The following NT5DC3 variants were observed in gnomAD, a reference collection of about 807,000 sequenced individuals.
The protein encoded by NT5DC3 is 5'-nucleotidase domain containing 3, also known as 5'-nucleotidase domain-containing protein 3.
Under a neutral mutation model 67.8 loss-of-function variants are expected in NT5DC3, and 42 were observed. The observed-to-expected ratio is 0.62, with a 90% CI of 0.48 to 0.80. NT5DC3 has a LOEUF of 0.80. Ranked by LOEUF, NT5DC3 falls within the 30% of genes least tolerant of loss-of-function variation. The probability of loss-of-function intolerance (pLI) is 0.00; values close to 1 mark genes in which losing one functional copy is unlikely to be tolerated. For missense variants in NT5DC3, 570 were observed against 696.4 expected (o/e 0.82, Z 2.04); for synonymous variants, 237 against 255.6 (o/e 0.93, Z 0.69).
At chr12:103,803,867 C>CCT (rs1555262145) in intron 4 of NT5DC3, among the ~76,000 whole-genome samples, 1 of 127,918 alleles carries the variant, frequency 7.8e-6, no homozygotes, top group Non-Finnish European at 1.7e-5. Context: ...CCACCCCCCC[C>CCT]CCAAAAAAAT....
chr12:103,769,426 TGAG>T (rs1431567279), downstream of NT5DC3, among the ~76,000 whole-genome samples: 2 of 152,236 alleles, frequency 1.3e-5, no homozygotes, highest in African/African-American at 4.8e-5. Flanking sequence ...TCCTGAGCCC[TGAG>T]GCAAACACCA....
intron 1 of NT5DC3, 138 bp downstream of exon 1, chr12:103,840,811 G>T: frequency 2.5e-6 from 1 of 399,862 alleles, no homozygotes; most frequent in Non-Finnish European, 4.4e-6. Context: ...CTGCGGCTGG[G>T]GGTGTGGGCA....
intron 4 of NT5DC3, among the ~76,000 whole-genome samples, chr12:103,799,804 C>CAAAAAAAAAAAAAA (rs72379630): frequency 2.3e-5 from 3 of 131,560 alleles, no homozygotes; most frequent in Non-Finnish European, 3.2e-5. Flanking sequence ...CTCCACATAC[C>CAAAAAAAAAAAAAA]AAAAAAAAAA....
At chr12:103,823,149 A>C (rs1887556860) in intron 1 of NT5DC3, among the ~76,000 whole-genome samples, 1 of 151,942 alleles carries the variant, frequency 6.6e-6, no homozygotes, top group African/African-American at 2.4e-5. Context: ...TCTAGAAAAA[A>C]AGAATATACA....
intron 1 of NT5DC3, among the ~76,000 whole-genome samples, chr12:103,816,002 T>C (rs184835759): frequency 5.8e-4 from 88 of 152,322 alleles, no homozygotes; most frequent in Non-Finnish European, 1.0e-3. Context: ...TTCTTCTATG[T>C]ATGTATTTTA....
downstream of NT5DC3, among the ~76,000 whole-genome samples, chr12:103,768,499 AGGGG>A (rs1885082451): frequency 2.2e-5 from 1 of 45,464 alleles, no homozygotes; most frequent in African/African-American, 9.3e-5. Flanking sequence ...TGGGGTAGGG[AGGGG>A]GAGGGAAAGA....
intron 12 of NT5DC3, among the ~76,000 whole-genome samples, chr12:103,783,003 C>T (rs971327550): frequency 6.6e-6 from 1 of 152,052 alleles, no homozygotes; most frequent in African/African-American, 2.4e-5. Context: ...AACAAACAAA[C>T]AAACAAAAAA....
At chr12:103,803,475 T>A (rs958221101) in intron 4 of NT5DC3, among the ~76,000 whole-genome samples, 2 of 152,158 alleles carry the variant, frequency 1.3e-5, no homozygotes, top group Non-Finnish European at 2.9e-5. Context: ...ATGAAAAGTT[T>A]TTTGTTTTAA....
At chr12:103,814,415 C>T (rs1177086440) in intron 2 of NT5DC3, among the ~76,000 whole-genome samples, 1 of 152,158 alleles carries the variant, frequency 6.6e-6, no homozygotes, top group African/African-American at 2.4e-5. Context: ...TCTTTTCCTG[C>T]TTCCTGAAAT....
intron 1 of NT5DC3, chr12:103,821,901 T>C (rs1887505036): frequency 6.6e-6 from 1 of 152,252 alleles, no homozygotes. Flanking sequence ...CAACATATGC[T>C]GTAGCTGAAT....
At chr12:103,815,797 A>G (rs1044037899) in intron 1 of NT5DC3, among the ~76,000 whole-genome samples, 1 of 152,252 alleles carries the variant, frequency 6.6e-6, no homozygotes, top group Non-Finnish European at 1.5e-5. Context: ...ATTGTATGGT[A>G]TATAAATTAT....
chr12:103,756,996 A>AATATATATAT, the NT5DC3 span, among the ~76,000 whole-genome samples: 431 of 56,090 alleles, frequency 7.7e-3, no homozygotes, highest in African/African-American at 0.016. Context: ...AAGGAGGGAA[A>AATATATATAT]ATATATATAT....
intron 1 of NT5DC3, among the ~76,000 whole-genome samples, chr12:103,839,124 A>G (rs1888273317): frequency 1.3e-5 from 2 of 152,248 alleles, no homozygotes; most frequent in Non-Finnish European, 2.9e-5. Context: ...AGTACAAATA[A>G]AATGACACTC....
At chr12:103,755,424 CA>C in the NT5DC3 span, 1 of 1,614,094 alleles carries the variant, frequency 6.2e-7, no homozygotes, top group Non-Finnish European at 8.5e-7. Context: ...GACCTAGACC[CA>C]ACAAGAGTGA....
At chr12:103,756,877 T>C in the NT5DC3 span, among the ~76,000 whole-genome samples, 4 of 151,842 alleles carry the variant, frequency 2.6e-5, no homozygotes, top group African/African-American at 9.7e-5. Context: ...CACACTAATC[T>C]TTCTGCTGTG....
the NT5DC3 span, among the ~76,000 whole-genome samples, chr12:103,754,242 T>C: frequency 6.6e-6 from 1 of 151,996 alleles, no homozygotes; most frequent in Non-Finnish European, 1.5e-5. Flanking sequence ...GTGGCCTTGA[T>C]ATCAAGCCAC....
chr12:103,834,169 A>T (rs962260784), intron 1 of NT5DC3, among the ~76,000 whole-genome samples: 1 of 151,886 alleles, frequency 6.6e-6, no homozygotes, highest in Admixed American at 6.6e-5. Flanking sequence ...CTGCCCCTCC[A>T]GCTCCCACTG....
intron 1 of NT5DC3, among the ~76,000 whole-genome samples, chr12:103,836,134 G>C (rs1170413451): frequency 6.6e-6 from 1 of 152,166 alleles, no homozygotes; most frequent in African/African-American, 2.4e-5. Context: ...TGGTATTCAA[G>C]ATGAGATCTG....
At position 103,809,890 on chromosome 12, in the gene NT5DC3, G is replaced by A. The variant is rs565950627; in HGVS notation, c.394-2961C>T. On this transcript the variant is annotated intron_variant, in intron 2 of 13. Coordinates refer to ENST00000392876, the MANE Select transcript of NT5DC3 (RefSeq NM_001031701.3). ...TACAGGTTCCGGGGCTGAGAGACCA[G>A]GCATCAAATCCTGGTCCTGCTATGT... 1.4e-4 allele frequency among the ~76,000 whole-genome samples: 21 copies of A among 152,312 alleles called. No homozygotes were observed. The South Asian group carries it at 4.1e-3, about 30-fold the overall frequency.
Sources: gnomAD v4.1 joint callset for allele counts (sites outside exome capture counted in the v4.1 genomes callset) on GRCh38, gnomAD v4.1.1 for gene constraint, MANE v1.5 for transcripts, NCBI Gene and HGNC (gene_info 2026-07-23, HGNC 2026-07-21) for gene names.